The following STRN3 variants were observed in gnomAD, a reference collection of about 807,000 sequenced individuals.
STRN3 encodes the protein striatin 3.
A neutral mutation model predicts 95.6 loss-of-function variants in STRN3; 29 were observed. The ratio of observed to expected loss-of-function variants is 0.30; its 90% confidence interval spans 0.23 to 0.41. The LOEUF is 0.41. STRN3 is among the 10% of genes least tolerant of loss of function. The pLI is 1.00. For synonymous variants in STRN3, 331 were observed against 357.6 expected, an observed-to-expected ratio of 0.93 and a Z score of 0.84; for missense variants, 890 against 972.1, an observed-to-expected ratio of 0.92 and a Z score of 1.12.
intron 8 of STRN3, among the ~76,000 whole-genome samples, chr14:30,924,289 T>TTTTTTTC: frequency 1.4e-5 from 1 of 72,318 alleles, no homozygotes. Flanking sequence ...CCTTAAATCT[T>TTTTTTTC]TTTTTTTTTT....
intron 7 of STRN3, among the ~76,000 whole-genome samples, chr14:30,933,280 TAAAAAA>T (rs35736582): frequency 4.4e-5 from 1 of 22,776 alleles, no homozygotes; most frequent in African/African-American, 1.5e-4. Context: ...CCCTGTTTCA[TAAAAAA>T]AAAAAAAAAA....
chr14:30,992,831 GC>G (rs1221484271), intron 1 of STRN3, among the ~76,000 whole-genome samples: 1 of 151,542 alleles, frequency 6.6e-6, no homozygotes, highest in African/African-American at 2.4e-5. Flanking sequence ...CTGGGCAACA[GC>G]CAGACCCTTA....
rs939591332 is a variant in STRN3 at position 31,010,160 on chromosome 14, T to C, written c.282+15744A>G. ...AAGAAGAAATCAGTAAAAAAGGAAA[T>C]AGGAAAAAGACAAACTAGTCTATAA... On this transcript the variant is annotated intron_variant, in intron 1 of 17. Transcript: ENST00000357479. 3.3e-5 allele frequency among the ~76,000 whole-genome samples: 5 copies of C among 152,096 alleles called. No homozygotes were observed. In the East Asian group the frequency reaches 7.7e-4, roughly 23 times the overall value.
At chr14:30,940,801 C>G (rs1879054781) in intron 5 of STRN3, among the ~76,000 whole-genome samples, 1 of 152,212 alleles carries the variant, frequency 6.6e-6, no homozygotes, top group African/African-American at 2.4e-5. Context: ...CCTAGTCCGA[C>G]ATTGACCCTC....
At chr14:30,938,595 G>C (rs1330672447) in intron 5 of STRN3, among the ~76,000 whole-genome samples, 1 of 151,844 alleles carries the variant, frequency 6.6e-6, no homozygotes, top group Admixed American at 6.6e-5. Flanking sequence ...AAGTCAAATG[G>C]AACACAATGC....
chr14:30,955,270 G>A (rs1376399640), intron 3 of STRN3, among the ~76,000 whole-genome samples: 1 of 152,128 alleles, frequency 6.6e-6, no homozygotes, highest in Non-Finnish European at 1.5e-5. Context: ...TGTATGGTGT[G>A]TGTTTCTCCA....
At chr14:30,987,872 G>A (rs1303612039) in intron 1 of STRN3, among the ~76,000 whole-genome samples, 2 of 151,930 alleles carry the variant, frequency 1.3e-5, no homozygotes, top group Non-Finnish European at 2.9e-5. Flanking sequence ...CAAGTAGCTG[G>A]GATTACAGGT....
intron 1 of STRN3, among the ~76,000 whole-genome samples, chr14:30,967,319 A>C (rs1447079098): frequency 6.6e-6 from 1 of 151,696 alleles, no homozygotes; most frequent in Non-Finnish European, 1.5e-5. Context: ...GGAAAGAGGC[A>C]GAGAGACAGA....
At chr14:30,924,738 T>C (rs987074084) in intron 8 of STRN3, among the ~76,000 whole-genome samples, 11 of 152,240 alleles carry the variant, frequency 7.2e-5, no homozygotes, top group African/African-American at 2.2e-4. Context: ...ACACCTGTGG[T>C]CCCAGCAAGG....
chr14:30,905,663 G>T, intron 14 of STRN3, 105 bp from the exon 15 acceptor site: 2 of 1,202,728 alleles, frequency 1.7e-6, no homozygotes, highest in Non-Finnish European at 2.3e-6. Context: ...AATTCAAATA[G>T]TCTTGAAATA....
chr14:30,968,927 T>G (rs1036018196), intron 1 of STRN3, among the ~76,000 whole-genome samples: 4 of 152,140 alleles, frequency 2.6e-5, no homozygotes, highest in Admixed American at 1.3e-4. Flanking sequence ...ATCTGAATTT[T>G]TACCTACATT....
intron 7 of STRN3, among the ~76,000 whole-genome samples, chr14:30,932,650 T>C (rs1276044251): frequency 6.6e-6 from 1 of 152,174 alleles, no homozygotes; most frequent in Non-Finnish European, 1.5e-5. Context: ...AAGCTAAATA[T>C]TGAGAGTTGT....
chr14:30,937,111 A>G (rs1021083022), intron 5 of STRN3, among the ~76,000 whole-genome samples: 2 of 152,134 alleles, frequency 1.3e-5, no homozygotes, highest in South Asian at 2.1e-4. Flanking sequence ...GCTTGAGCCT[A>G]GAGTTCAACA....
At chr14:30,996,215 G>A (rs1351652911) in intron 1 of STRN3, among the ~76,000 whole-genome samples, 1 of 152,156 alleles carries the variant, frequency 6.6e-6, no homozygotes, top group Non-Finnish European at 1.5e-5. Context: ...TAAGAAAACA[G>A]GCTCTAAAAT....
intron 7 of STRN3, 81 bp from the exon 8 acceptor site, chr14:30,929,392 C>T: frequency 9.7e-7 from 1 of 1,034,788 alleles, no homozygotes; most frequent in South Asian, 1.4e-5. Context: ...TATAGCTTTA[C>T]ATAATCATAA....
chr14:30,994,879 C>T (rs1229429986), intron 1 of STRN3, among the ~76,000 whole-genome samples: 1 of 152,212 alleles, frequency 6.6e-6, no homozygotes, highest in Non-Finnish European at 1.5e-5. Flanking sequence ...TTATTAAGAA[C>T]ATCTCTATTC....
Position 30,936,582 on chromosome 14 carries a change from A to G in STRN3, c.759T>C (p.Asn253=). The G allele has an allele frequency of 6.2e-7, 1 of 1,613,722 alleles. No homozygotes were observed. Among genetic ancestry groups the G allele is most frequent in the Non-Finnish European group, 8.5e-7 (1 of 1,179,846 alleles). The change falls in exon 6 of 18, where the codon AAT becomes AAC. Residue 253 remains asparagine (N), a synonymous_variant. Coordinates refer to ENST00000357479, the MANE Select transcript of STRN3 (RefSeq NM_001083893.2). ...CCTCATCTTCATCACTGTCATCGGC[A>G]TTTTCTAAGAAATTGAACGTCTCAA... ...DVLETFNFLE[N]ADDSDEDEEN...
At chr14:30,913,436 T>G in intron 10 of STRN3, 88 bp downstream of exon 10, 97 of 1,320,278 alleles carry the variant, frequency 7.3e-5, no homozygotes, top group Non-Finnish European at 9.1e-5. Flanking sequence ...CCATGCACCT[T>G]GATATTAATT....
At chr14:30,905,584 T>G (rs994741445) in intron 14 of STRN3, 26 bp from the exon 15 acceptor site, 4 of 1,566,948 alleles carry the variant, frequency 2.6e-6, no homozygotes, top group Non-Finnish European at 3.4e-6. Context: ...AGACAGACAA[T>G]GTAAACAAAG....
Sources: gnomAD v4.1 joint callset for allele counts (sites outside exome capture counted in the v4.1 genomes callset) on GRCh38, gnomAD v4.1.1 for gene constraint, MANE v1.5 for transcripts, NCBI Gene and HGNC (gene_info 2026-07-23, HGNC 2026-07-21) for gene names.